The following SERINC5 variants were observed in gnomAD, a reference collection of about 807,000 sequenced individuals.
The protein encoded by SERINC5 is chromosome 5 open reading frame 12.
A neutral mutation model predicts 63.1 loss-of-function variants in SERINC5; 41 were observed. The ratio of observed to expected loss-of-function variants is 0.65; its 90% CI spans 0.51 to 0.84. The LOEUF is 0.84. SERINC5 is among the 40% of genes least tolerant of loss of function. The pLI, the probability that SERINC5 is intolerant of heterozygous loss-of-function variation, is 0.00. For missense variants in SERINC5, 523 were observed against 573.0 expected (o/e 0.91, Z 0.89); for synonymous variants, 222 against 215.2 (o/e 1.03, Z -0.28).
At chr5:80,154,126 G>C (rs1746365594) in intron 8 of SERINC5, among the ~76,000 whole-genome samples, 1 of 152,154 alleles carries the variant, frequency 6.6e-6, no homozygotes, top group Non-Finnish European at 1.5e-5. Flanking sequence ...ACCCAAAGGA[G>C]ACCTGAGCTC....
intron 8 of SERINC5, 191 bp downstream of exon 8, chr5:80,158,645 T>C (rs753658197): frequency 9.0e-6 from 5 of 557,036 alleles, no homozygotes; most frequent in African/African-American, 3.8e-5. Context: ...ATTTGCTTTA[T>C]TTACCCCAAA....
intron 7 of SERINC5, among the ~76,000 whole-genome samples, chr5:80,160,917 T>C (rs933626622): frequency 6.7e-6 from 1 of 148,582 alleles, no homozygotes; most frequent in African/African-American, 2.6e-5. Context: ...GATAGATATA[T>C]ATATGTGTGT....
At position 80,178,063 on chromosome 5, in the gene SERINC5, A is replaced by T; in HGVS notation, c.197T>A (p.Ile66Asn). The change falls in exon 3 of 12, where the codon ATT (isoleucine) becomes AAT (asparagine). Residue 66 changes from isoleucine (I) to asparagine (N), a missense_variant and splice_region_variant. Ile to Asn is a moderately radical substitution (Grantham distance 149). Transcript: ENST00000507668. Reference protein sequence around the residue: ...TTVAHKMKEHIPFFEDMCKGI... With the variant: ...TTVAHKMKEHNPFFEDMCKGI... ...TTTACACATATCTTCAAAAAAAGGA[A>T]TCTGAGGAGAAAGTTTAGAAAAGTC... 1 of 1,592,612 alleles carries T rather than the reference A, an allele frequency of 6.3e-7. No individual in the cohort carries two copies. Among genetic ancestry groups the T allele is most frequent in the South Asian group, 1.2e-5 (1 of 86,770 alleles).
chr5:80,171,900 AAAG>A (rs1747691518), intron 5 of SERINC5, among the ~76,000 whole-genome samples: 1 of 152,016 alleles, frequency 6.6e-6, no homozygotes, highest in African/African-American at 2.4e-5. Context: ...AAAGACAAAA[AAAG>A]AAAGGAAAGA....
intron 11 of SERINC5, among the ~76,000 whole-genome samples, chr5:80,118,754 C>T (rs1744432981): frequency 7.8e-6 from 1 of 128,600 alleles, no homozygotes; most frequent in Non-Finnish European, 1.6e-5. Context: ...GGGGTTTTGC[C>T]ATGTTGACAA....
At chr5:80,175,134 T>C (rs1459190022) in intron 4 of SERINC5, 87 bp from the exon 5 acceptor site, 1 of 786,622 alleles carries the variant, frequency 1.3e-6, no homozygotes, top group African/African-American at 1.7e-5. Context: ...TTTTACTAGA[T>C]GATCAGTGTA....
chr5:80,155,423 G>A (rs1746455064), intron 8 of SERINC5, among the ~76,000 whole-genome samples: 1 of 152,108 alleles, frequency 6.6e-6, no homozygotes, highest in Non-Finnish European at 1.5e-5. Context: ...AAATTAGCCG[G>A]GCATGGTGGC....
At chr5:80,194,198 A>G (rs923944801) in intron 2 of SERINC5, among the ~76,000 whole-genome samples, 2 of 152,254 alleles carry the variant, frequency 1.3e-5, no homozygotes, top group Non-Finnish European at 2.9e-5. Flanking sequence ...GAACTGGGTC[A>G]GCAATATTTT....
chr5:80,254,668 G>GT (rs1394080906), intron 1 of SERINC5, among the ~76,000 whole-genome samples: 2 of 152,146 alleles, frequency 1.3e-5, no homozygotes, highest in Non-Finnish European at 2.9e-5. Flanking sequence ...CAAATACCTG[G>GT]TAAGGTGGTG....
At chr5:80,137,158 A>AC (rs1421999995), downstream of SERINC5, among the ~76,000 whole-genome samples, 12 of 104,880 alleles carry the variant, frequency 1.1e-4, no homozygotes, top group East Asian at 1.0e-3. Context: ...AAAAAAAAAA[A>AC]AAAAACAAAA....
chr5:80,179,609 G>C (rs1357590910), intron 2 of SERINC5, among the ~76,000 whole-genome samples: 1 of 152,182 alleles, frequency 6.6e-6, no homozygotes, highest in Non-Finnish European at 1.5e-5. Context: ...CAAGTAGTCA[G>C]GTTGAATGTC....
intron 1 of SERINC5, among the ~76,000 whole-genome samples, chr5:80,236,608 C>G (rs570169128): frequency 6.6e-6 from 1 of 151,796 alleles, no homozygotes; most frequent in Admixed American, 6.6e-5. Context: ...TCACTGCAAC[C>G]TCCACCTCCT....
At position 80,142,629 on chromosome 5, in the gene SERINC5, A is replaced by G. The variant is rs1457924358; in HGVS notation, c.*1034T>C. 3.0e-6 allele frequency: 3 copies of G among 985,318 alleles called. No homozygotes were observed. The highest frequency in any genetic ancestry group is 1.7e-5 in the African/African-American group (1 of 57,258). 61.0% of individuals were successfully genotyped at this position (985,318 alleles called of 1,614,324 possible). A position where few individuals can be genotyped will look rare whatever the true frequency, so the allele number is the denominator to read the frequency against. On this transcript the variant is annotated 3_prime_UTR_variant, in exon 12 of 12. Coordinates refer to ENST00000507668, the MANE Select transcript of SERINC5 (RefSeq NM_001174072.3). ...GGATGCCAGCATGAACCTGAACGGT[A>G]TGGTCACGTTACAGATCCAGAACAC...
At chr5:80,184,968 C>T (rs191935732) in intron 2 of SERINC5, among the ~76,000 whole-genome samples, 2 of 152,200 alleles carry the variant, frequency 1.3e-5, no homozygotes, top group East Asian at 1.9e-4. Flanking sequence ...CCTCTGCCTC[C>T]CAGGTTCAAG....
chr5:80,224,935 G>GGTT (rs1561438942), intron 1 of SERINC5, among the ~76,000 whole-genome samples: 2 of 81,668 alleles, frequency 2.4e-5, no homozygotes, highest in Admixed American at 1.4e-4. Context: ...TTTTTTTTTT[G>GGTT]TTTTTTTTTG....
intron 1 of SERINC5, among the ~76,000 whole-genome samples, chr5:80,247,421 GCA>G (rs1428670315): frequency 6.6e-6 from 1 of 152,142 alleles, no homozygotes; most frequent in East Asian, 1.9e-4. Context: ...TATTTAATTA[GCA>G]CAGAGAGATG....
chr5:80,160,654 T>A (rs1580085471), intron 7 of SERINC5, among the ~76,000 whole-genome samples: 1 of 152,298 alleles, frequency 6.6e-6, no homozygotes. Context: ...CACCAAATAA[T>A]GTGTATTCTA....
chr5:80,190,624 G>A (rs1339069489), intron 2 of SERINC5, among the ~76,000 whole-genome samples: 1 of 152,184 alleles, frequency 6.6e-6, no homozygotes, highest in Non-Finnish European at 1.5e-5. Flanking sequence ...CTAGTGAAAT[G>A]CTGTATGCAC....
rs1580051152 is a variant in SERINC5, at chr5:80,141,070, C to A, written c.*2593G>T. 1.0e-6 allele frequency: 1 copy of A among 985,400 alleles called. No individual in the cohort carries two copies. The highest frequency in any genetic ancestry group is 4.7e-5 in the South Asian group (1 of 21,292). The allele number at this position is 985,400 out of a possible 1,614,324, so 61.0% of individuals were successfully genotyped here. Reference sequence around the variant, plus strand: ...TTCTTTAAATCCAGGAATGTTGACTCCTCACCTGAGTATTGTATATCACAA... The same window carrying A: ...TTCTTTAAATCCAGGAATGTTGACTACTCACCTGAGTATTGTATATCACAA... On this transcript the variant is annotated 3_prime_UTR_variant, in exon 12 of 12. Coordinates refer to ENST00000507668, the MANE Select transcript of SERINC5 (RefSeq NM_001174072.3).
Sources: gnomAD v4.1 joint callset for allele counts (sites outside exome capture counted in the v4.1 genomes callset) on GRCh38, gnomAD v4.1.1 for gene constraint, MANE v1.5 for transcripts, NCBI Gene and HGNC (gene_info 2026-07-23, HGNC 2026-07-21) for gene names.